UNC13C: variants seen among roughly 807,000 people sequenced by gnomAD.
UNC13C encodes the protein unc-13 homolog C.
Under a neutral mutation model 245.4 loss-of-function variants are expected in UNC13C, and 174 were observed. The ratio of observed to expected loss-of-function variants is 0.71; its 90% CI spans 0.63 to 0.80. The LOEUF (loss-of-function observed/expected upper bound fraction) is 0.80. Among genes scored for constraint, UNC13C ranks in the 30% least tolerant of loss-of-function variants. The pLI is 0.00. For missense variants in UNC13C, 2,829 were observed against 2,602.9 expected, an observed-to-expected ratio of 1.09 and a Z score of -1.89; for synonymous variants, 992 against 895.1, an observed-to-expected ratio of 1.11 and a Z score of -1.93.
intron 13 of UNC13C, among the ~76,000 whole-genome samples, chr15:54,310,255 A>T (rs1211085098): frequency 6.6e-6 from 1 of 151,860 alleles, no homozygotes; most frequent in Non-Finnish European, 1.5e-5. Context: ...ATGATTTTCA[A>T]TGAATATGGT....
intron 19 of UNC13C, among the ~76,000 whole-genome samples, chr15:54,438,644 A>G (rs1368064134): frequency 1.3e-5 from 2 of 151,930 alleles, no homozygotes; most frequent in African/African-American, 2.4e-5. Flanking sequence ...AAATTTCTCA[A>G]TCTCTTAAAC....
the UNC13C span, among the ~76,000 whole-genome samples, chr15:53,902,410 A>C: frequency 6.6e-6 from 1 of 152,190 alleles, no homozygotes; most frequent in Non-Finnish European, 1.5e-5. Flanking sequence ...TGATATGGTC[A>C]GTAAGTGTAC....
At chr15:53,911,023 C>A in the UNC13C span, 1 of 152,248 alleles carries the variant, frequency 6.6e-6, no homozygotes, top group Non-Finnish European at 1.5e-5. Context: ...CCAGTGGAAA[C>A]GCGGGAGGCA....
intron 31 of UNC13C, 92 bp from the exon 32 acceptor site, chr15:54,623,703 T>A (rs775212945): frequency 2.4e-4 from 277 of 1,157,268 alleles, no homozygotes; most frequent in Admixed American, 7.9e-4. Context: ...AGGGCACTAT[T>A]ATTAAGTTTT....
intron 19 of UNC13C, among the ~76,000 whole-genome samples, chr15:54,423,582 C>CACA (rs895131779): frequency 1.3e-5 from 2 of 151,672 alleles, no homozygotes; most frequent in Non-Finnish European, 2.9e-5. Flanking sequence ...GGTGAATGAT[C>CACA]ACATCTCTTG....
chr15:54,514,734 G>C (rs560442938), intron 24 of UNC13C, among the ~76,000 whole-genome samples: 2 of 152,108 alleles, frequency 1.3e-5, no homozygotes, highest in Non-Finnish European at 2.9e-5. Flanking sequence ...TTTCCCCCTG[G>C]AAATAAAAAG....
intron 19 of UNC13C, among the ~76,000 whole-genome samples, chr15:54,423,332 ATATAT>A (rs1269834872): frequency 6.6e-6 from 1 of 151,798 alleles, no homozygotes; most frequent in Non-Finnish European, 1.5e-5. Flanking sequence ...TATTTTGAAA[ATATAT>A]TATGCCACCT....
At chr15:53,863,945 C>T in the UNC13C span, among the ~76,000 whole-genome samples, 2 of 152,094 alleles carry the variant, frequency 1.3e-5, no homozygotes, top group Non-Finnish European at 2.9e-5. Flanking sequence ...GGTTACTCAC[C>T]ACTTTGTTAA....
the UNC13C span, among the ~76,000 whole-genome samples, chr15:53,935,385 C>T: frequency 6.6e-6 from 1 of 152,112 alleles, no homozygotes; most frequent in Non-Finnish European, 1.5e-5. Context: ...TTTTACTTTT[C>T]TGCATCTGGT....
intron 2 of UNC13C, among the ~76,000 whole-genome samples, chr15:54,128,881 G>C (rs983211712): frequency 1.3e-5 from 2 of 152,242 alleles, no homozygotes; most frequent in African/African-American, 4.8e-5. Context: ...CCTTAGTACT[G>C]AGAAGTGGTC....
At chr15:54,604,372 C>CT (rs1045532233) in intron 30 of UNC13C, among the ~76,000 whole-genome samples, 2 of 141,894 alleles carry the variant, frequency 1.4e-5, no homozygotes, top group Non-Finnish European at 1.6e-5. Context: ...TTTGAAATTA[C>CT]TTTTTTCCTT....
At chr15:54,457,068 C>T (rs553943388) in intron 19 of UNC13C, among the ~76,000 whole-genome samples, 2 of 152,126 alleles carry the variant, frequency 1.3e-5, no homozygotes, top group South Asian at 4.1e-4. Context: ...GCTGATTTTA[C>T]TGAGGATTTT....
rs201642973 is a variant in UNC13C, at chr15:54,303,449, GATTC to G, written c.4268+3084_4268+3087del. ...AAAATATCTCTGGGAGCTGATGTTAGATTCATTCATTTCCATCTTTTCTGTGTTC... is the reference window on the plus strand; with the variant it reads ...AAAATATCTCTGGGAGCTGATGTTAGATTCATTTCCATCTTTTCTGTGTTC... On this transcript the variant is annotated intron_variant, in intron 13 of 32. Coordinates refer to ENST00000260323, the MANE Select transcript of UNC13C (RefSeq NM_001080534.3). Among the ~76,000 whole-genome samples, 1,278 of 152,188 alleles carry G rather than the reference GATTC, an allele frequency of 8.4e-3. 24 individuals are homozygous for G. Among genetic ancestry groups the G allele is most frequent in the African/African-American group, 0.03 (1,237 of 41,534 alleles).
chr15:54,140,406 CAG>C (rs758773989), intron 2 of UNC13C, among the ~76,000 whole-genome samples: 4 of 151,864 alleles, frequency 2.6e-5, no homozygotes, highest in African/African-American at 7.2e-5. Flanking sequence ...GTAAAAAAAA[CAG>C]AGAGAGAGAT....
chr15:54,610,992 T>G (rs955380369), intron 30 of UNC13C, among the ~76,000 whole-genome samples: 3 of 152,218 alleles, frequency 2.0e-5, no homozygotes, highest in Non-Finnish European at 4.4e-5. Context: ...GTTTTAATCT[T>G]GGCATAACTT....
intron 4 of UNC13C, among the ~76,000 whole-genome samples, chr15:54,192,945 A>G (rs890346615): frequency 4.6e-5 from 7 of 152,162 alleles, no homozygotes; most frequent in Middle Eastern, 3.4e-3. Flanking sequence ...GATGAAAGGA[A>G]AAAGAAAGAA....
chr15:54,046,155 C>G (rs2141043090), intron 2 of UNC13C, among the ~76,000 whole-genome samples: 3 of 152,244 alleles, frequency 2.0e-5, no homozygotes, highest in Admixed American at 2.0e-4. Context: ...GTGGATGTAA[C>G]AAAGTTTAAT....
chr15:54,143,399 C>T lies in UNC13C; in HGVS notation c.3007-221C>T, dbSNP rs186742122. Among the ~76,000 whole-genome samples the T allele has an allele frequency of 1.4e-4, 22 of 152,178 alleles. No individual in the cohort carries two copies. The East Asian group carries it at 1.5e-3, about 11-fold the overall frequency. On this transcript the variant is annotated intron_variant, in intron 3 of 32. Transcript: ENST00000260323. ...AGTACTTGGAATATGACATATTTTCCGGGACTCTGCCAGTGCATTTGTTTA... is the reference window on the plus strand; with the variant it reads ...AGTACTTGGAATATGACATATTTTCTGGGACTCTGCCAGTGCATTTGTTTA...
At chr15:54,606,518 C>T (rs1293664609) in intron 30 of UNC13C, among the ~76,000 whole-genome samples, 1 of 152,148 alleles carries the variant, frequency 6.6e-6, no homozygotes, top group Admixed American at 6.6e-5. Flanking sequence ...GAAACTTGAG[C>T]TATGCAAGTG....
Sources: gnomAD v4.1 joint callset for allele counts (sites outside exome capture counted in the v4.1 genomes callset) on GRCh38, gnomAD v4.1.1 for gene constraint, MANE v1.5 for transcripts, NCBI Gene and HGNC (gene_info 2026-07-23, HGNC 2026-07-21) for gene names.